Variants in PDE1A observed in about 807,000 individuals in gnomAD.
PDE1A encodes the protein phosphodiesterase 1A, also known as dual specificity calcium/calmodulin-dependent 3',5'-cyclic nucleotide phosphodiesterase 1A.
A neutral mutation model predicts 61.7 loss-of-function variants in PDE1A; 35 were observed. That is an observed-to-expected ratio of 0.57 (90% confidence interval 0.43 to 0.75). The LOEUF is 0.75. Among genes scored for constraint, PDE1A ranks in the 30% least tolerant of loss-of-function variants. PDE1A has a pLI of 0.00. For missense variants in PDE1A, 597 were observed against 630.6 expected (o/e 0.95, Z 0.57); for synonymous variants, 232 against 213.2 (o/e 1.09, Z -0.77).
chr2:182,169,336 G>T (rs1691913208), intron 13 of PDE1A, among the ~76,000 whole-genome samples: 1 of 151,878 alleles, frequency 6.6e-6, no homozygotes, highest in Non-Finnish European at 1.5e-5. Flanking sequence ...TATACCATAA[G>T]AATTAGCTAT....
intron 2 of PDE1A, among the ~76,000 whole-genome samples, chr2:182,260,155 CTGTA>C (rs1692121525): frequency 6.6e-6 from 1 of 152,144 alleles, no homozygotes; most frequent in African/African-American, 2.4e-5. Context: ...CATTAAGGCT[CTGTA>C]TGTGTGTGTG....
At chr2:182,658,488 G>A in the PDE1A span, among the ~76,000 whole-genome samples, 13 of 152,160 alleles carry the variant, frequency 8.5e-5, no homozygotes, top group African/African-American at 2.9e-4. Flanking sequence ...CAAAACTAAG[G>A]TCACATTCAC....
chr2:182,359,884 G>A (rs1699401876), intron 1 of PDE1A, among the ~76,000 whole-genome samples: 1 of 152,132 alleles, frequency 6.6e-6, no homozygotes, highest in African/African-American at 2.4e-5. Context: ...GCCAAGGAAT[G>A]ACATGTTTAT....
At chr2:182,610,880 T>G in the PDE1A span, among the ~76,000 whole-genome samples, 1 of 152,228 alleles carries the variant, frequency 6.6e-6, no homozygotes, top group Non-Finnish European at 1.5e-5. Context: ...ATTATTGCTG[T>G]AAACTTTAAG....
upstream of PDE1A, among the ~76,000 whole-genome samples, chr2:182,428,397 T>C (rs1368683398): frequency 2.0e-5 from 3 of 152,210 alleles, no homozygotes; most frequent in South Asian, 2.1e-4. Context: ...TACACACTTA[T>C]TATGTACTGT....
chr2:182,309,267 A>C (rs1392197368), intron 1 of PDE1A, among the ~76,000 whole-genome samples: 1 of 152,012 alleles, frequency 6.6e-6, no homozygotes, highest in Non-Finnish European at 1.5e-5. Flanking sequence ...GTAAAGAAAA[A>C]TCAGTGTGTT....
chr2:182,376,975 A>T (rs969841598), intron 1 of PDE1A, among the ~76,000 whole-genome samples: 1 of 152,220 alleles, frequency 6.6e-6, no homozygotes, highest in Non-Finnish European at 1.5e-5. Context: ...CCATGATTCA[A>T]ATTATCTTCC....
intron 13 of PDE1A, among the ~76,000 whole-genome samples, chr2:182,172,813 G>A (rs534418739): frequency 6.6e-6 from 1 of 152,060 alleles, no homozygotes; most frequent in African/African-American, 2.4e-5. Flanking sequence ...CTATGAGGAG[G>A]GAAGAACAAA....
chr2:182,230,014 C>T, exon 6 of PDE1A: 1 of 1,610,348 alleles, frequency 6.2e-7, no homozygotes, highest in Non-Finnish European at 8.5e-7. Context: ...ACCATGATAC[C>T]TGTATGAAGC....
intron 1 of PDE1A, among the ~76,000 whole-genome samples, chr2:182,398,667 A>G (rs16823158): frequency 0.044 from 6,649 of 152,096 alleles, 167 homozygotes; most frequent in Middle Eastern, 0.071. Flanking sequence ...TACTGACCAC[A>G]AGTGACTACT....
At chr2:182,187,737 C>CTTTTTTTTTTTTTTTTTTTT (rs1038970569) in intron 11 of PDE1A, among the ~76,000 whole-genome samples, 5 of 66,382 alleles carry the variant, frequency 7.5e-5, no homozygotes, top group African/African-American at 1.3e-4. Flanking sequence ...TTTTTTTGTT[C>CTTTTTTTTTTTTTTTTTTTT]TTTTTTTTTT....
At chr2:182,678,113 G>C in the PDE1A span, among the ~76,000 whole-genome samples, 4 of 152,174 alleles carry the variant, frequency 2.6e-5, no homozygotes, top group African/African-American at 9.7e-5. Context: ...GGATGTATTA[G>C]TTGTAACGCC....
chr2:182,492,507 T>C lies in PDE1A; in HGVS notation c.101+29769A>G, dbSNP rs188553987. 2.3e-3 allele frequency among the ~76,000 whole-genome samples: 354 copies of C among 152,314 alleles called. 2 individuals carry two copies. The highest frequency in any genetic ancestry group is 7.7e-3 in the African/African-American group (321 of 41,582). ...AAACATCACATAAAATTTTTAGTAATAGCAAGATTCTATCAAACTTTCTGA... is the reference window on the plus strand; with the variant it reads ...AAACATCACATAAAATTTTTAGTAACAGCAAGATTCTATCAAACTTTCTGA... On this transcript the variant is annotated intron_variant, in intron 2 of 14. Coordinates refer to the PDE1A transcript ENST00000410103.
the PDE1A span, among the ~76,000 whole-genome samples, chr2:182,693,845 C>T: frequency 3.3e-5 from 5 of 152,026 alleles, no homozygotes; most frequent in African/African-American, 1.2e-4. Context: ...CAGCATTTTG[C>T]CATGTTGGCC....
intron 2 of PDE1A, among the ~76,000 whole-genome samples, chr2:182,475,447 A>C (rs1222516322): frequency 2.6e-5 from 4 of 151,914 alleles, no homozygotes; most frequent in Non-Finnish European, 4.4e-5. Context: ...GAGGGGAATA[A>C]ATTTGCAAAC....
intron 1 of PDE1A, among the ~76,000 whole-genome samples, chr2:182,394,119 G>C (rs1460267351): frequency 1.3e-5 from 2 of 152,008 alleles, no homozygotes; most frequent in Admixed American, 1.3e-4. Context: ...CAATCTATTG[G>C]TGCCAATTCA....
chr2:182,166,273 C>A (rs146581779), downstream of PDE1A, among the ~76,000 whole-genome samples: 553 of 152,210 alleles, frequency 3.6e-3, 1 homozygote, highest in Non-Finnish European at 6.8e-3. Flanking sequence ...GAGAAAAAGA[C>A]CTACCCTGAA....
chr2:182,587,378 C>G, the PDE1A span, among the ~76,000 whole-genome samples: 1 of 152,176 alleles, frequency 6.6e-6, no homozygotes, highest in Non-Finnish European at 1.5e-5. Flanking sequence ...ACACAGCACT[C>G]TTTTCAAGCT....
chr2:182,532,308 A>C, the PDE1A span, among the ~76,000 whole-genome samples: 1 of 152,352 alleles, frequency 6.6e-6, no homozygotes, highest in East Asian at 1.9e-4. Context: ...ACCCTGATGT[A>C]GAGTACACAC....
Sources: allele counts gnomAD v4.1 joint callset (sites outside exome capture counted in the v4.1 genomes callset), GRCh38; gene constraint gnomAD v4.1.1; transcripts MANE v1.5; gene names NCBI Gene and HGNC (gene_info 2026-07-23, HGNC 2026-07-21).